The following WDR48 variants were observed in gnomAD, a reference collection of about 807,000 sequenced individuals.
WDR48 encodes the protein WD repeat-containing protein 48.
WDR48 carries 22 observed loss-of-function variants against 94.0 expected under a neutral mutation model. That is an observed-to-expected ratio of 0.23 (90% CI 0.17 to 0.33). WDR48 has a LOEUF of 0.33. Ranked by LOEUF, WDR48 falls within the 10% of genes least tolerant of loss-of-function variation. The probability of loss-of-function intolerance (pLI) is 1.00; values close to 1 mark genes in which losing one functional copy is unlikely to be tolerated. For synonymous variants in WDR48, 278 were observed against 280.5 expected, an observed-to-expected ratio of 0.99 and a Z score of 0.09; for missense variants, 541 against 813.8, an observed-to-expected ratio of 0.66 and a Z score of 4.08.
chr3:39,075,077 A>T, intron 8 of WDR48, 127 bp downstream of exon 8: 1 of 887,690 alleles, frequency 1.1e-6, no homozygotes, highest in Non-Finnish European at 1.7e-6. Flanking sequence ...TGTAAAAAAG[A>T]TATTCCATCA....
At chr3:39,094,117 TAA>T in intron 18 of WDR48, 51 bp downstream of exon 18, 2 of 1,569,680 alleles carry the variant, frequency 1.3e-6, no homozygotes, top group Non-Finnish European at 1.7e-6. Flanking sequence ...CTGGTGCTCA[TAA>T]AGAGTTACAT....
At chr3:39,071,050 T>A (rs1293262761) in intron 7 of WDR48, among the ~76,000 whole-genome samples, 1 of 152,140 alleles carries the variant, frequency 6.6e-6, no homozygotes, top group Non-Finnish European at 1.5e-5. Context: ...CCATGGTGTA[T>A]ATGTGCCACA....
intron 18 of WDR48, 190 bp downstream of exon 18, chr3:39,094,256 A>C: frequency 6.9e-7 from 1 of 1,440,046 alleles, no homozygotes; most frequent in Non-Finnish European, 9.1e-7. Context: ...TACATAGACA[A>C]ATGTGGATGT....
intron 1 of WDR48, among the ~76,000 whole-genome samples, chr3:39,061,450 T>A (rs1463871961): frequency 6.6e-6 from 1 of 152,228 alleles, no homozygotes; most frequent in Non-Finnish European, 1.5e-5. Context: ...TATGGCTGCA[T>A]AGTATTCCAT....
chr3:39,073,827 G>C (rs1262381062), intron 7 of WDR48, among the ~76,000 whole-genome samples: 1 of 152,208 alleles, frequency 6.6e-6, no homozygotes, highest in Non-Finnish European at 1.5e-5. Context: ...GTAAGCCTGA[G>C]ACTAGATTTT....
At chr3:39,083,856 T>C (rs910589109) in intron 11 of WDR48, among the ~76,000 whole-genome samples, 25 of 152,166 alleles carry the variant, frequency 1.6e-4, no homozygotes, top group African/African-American at 5.3e-4. Context: ...TTTGAGAAGA[T>C]GGCCGACAAC....
intron 11 of WDR48, among the ~76,000 whole-genome samples, chr3:39,082,407 G>A (rs559069963): frequency 2.2e-4 from 33 of 151,756 alleles, no homozygotes; most frequent in Non-Finnish European, 3.4e-4. Flanking sequence ...TCAGCCTCCC[G>A]AGTAGCTGGG....
At chr3:39,089,143 A>G in intron 15 of WDR48, 88 bp from the exon 16 acceptor site, 1 of 1,218,360 alleles carries the variant, frequency 8.2e-7, no homozygotes, top group Admixed American at 1.9e-5. Flanking sequence ...CATGAAAACC[A>G]TGAGGGTTCC....
intron 14 of WDR48, 73 bp downstream of exon 14, chr3:39,085,683 C>T: frequency 7.9e-7 from 1 of 1,262,802 alleles, no homozygotes; most frequent in Non-Finnish European, 1.1e-6. Context: ...CTAAAAGGTA[C>T]TTACTTAAAC....
At chr3:39,078,105 A>G (rs772317189) in intron 9 of WDR48, 32 bp from the exon 10 acceptor site, 2 of 1,524,484 alleles carry the variant, frequency 1.3e-6, no homozygotes, top group Non-Finnish European at 1.8e-6. Flanking sequence ...GTAGAGCATA[A>G]CATGATCAAA....
At position 39,074,723 on chromosome 3, in the gene WDR48, C is replaced by T; in HGVS notation, c.673-3C>T. 1 of 1,613,226 alleles carries T rather than the reference C, an allele frequency of 6.2e-7. No homozygotes were observed. On this transcript the variant is annotated splice_region_variant and splice_polypyrimidine_tract_variant and intron_variant, in intron 7 of 18. Transcript: ENST00000302313. ...TTCTAACTTTGCCTTTCTTTGTTTGCAGTGCCTGTCAGGCAGTTCTGATGG... is the reference window on the plus strand; with the variant it reads ...TTCTAACTTTGCCTTTCTTTGTTTGTAGTGCCTGTCAGGCAGTTCTGATGG...
intron 18 of WDR48, 44 bp from the exon 19 acceptor site, chr3:39,094,604 T>A (rs1559631711): frequency 6.2e-7 from 1 of 1,611,988 alleles, no homozygotes; most frequent in Non-Finnish European, 8.5e-7. Context: ...AGGTTTTAGA[T>A]ATTAGAGACT....
At chr3:39,090,393 C>G (rs1168568601) in intron 16 of WDR48, 2 of 152,126 alleles carry the variant, frequency 1.3e-5, no homozygotes, top group African/African-American at 4.8e-5. Flanking sequence ...ATTAAATTTT[C>G]ACTTTGTTCC....
intron 7 of WDR48, among the ~76,000 whole-genome samples, chr3:39,073,291 T>TG (rs951171943): frequency 5.3e-5 from 8 of 152,246 alleles, no homozygotes; most frequent in African/African-American, 1.9e-4. Context: ...GTTAGTTTCT[T>TG]GGTTCCCTTG....
intron 18 of WDR48, chr3:39,094,378 CTG>C: frequency 6.8e-7 from 1 of 1,466,902 alleles, no homozygotes; most frequent in Non-Finnish European, 9.0e-7. Context: ...AATGGCAGAA[CTG>C]TTTTTTAAAT....
At chr3:39,087,265 G>A (rs2034858243) in intron 14 of WDR48, among the ~76,000 whole-genome samples, 1 of 152,184 alleles carries the variant, frequency 6.6e-6, no homozygotes, top group Admixed American at 6.5e-5. Context: ...ATGGAGCTAG[G>A]CGTGATGGCT....
intron 2 of WDR48, among the ~76,000 whole-genome samples, chr3:39,064,296 T>TG (rs1442727849): frequency 1.3e-5 from 2 of 149,480 alleles, no homozygotes; most frequent in East Asian, 3.9e-4. Context: ...TTTTTTGAGA[T>TG]GGAGTCTCGC....
chr3:39,071,031 C>T (rs1575409854), intron 7 of WDR48, among the ~76,000 whole-genome samples: 2 of 152,124 alleles, frequency 1.3e-5, no homozygotes, highest in Admixed American at 1.3e-4. Flanking sequence ...TTTATGGCTG[C>T]ATCGTATTCC....
chr3:39,079,805 G>C lies in WDR48; in HGVS notation c.1170G>C (p.Leu390Phe). 6.5e-7 allele frequency: 1 copy of C among 1,529,656 alleles called. No homozygotes were observed. Among genetic ancestry groups the C allele is most frequent in the Non-Finnish European group, 8.7e-7 (1 of 1,146,254 alleles). The allele number at this position is 1,529,656 out of a possible 1,614,324, so 94.8% of individuals were successfully genotyped here. ...TNNNVAYWDV[L>F]KACKVEDLGK... ...ATAATGTGGCATATTGGGATGTATT[G>C]AAGGTGAGTATTTTTTTTGGGCTAA... Residue 390 changes from leucine (L) to phenylalanine (F), a missense_variant, in exon 11 of 19, where the codon TTG becomes TTC. This residue lies in a region of WDR48 where 238 missense variants were observed against 285.3 expected (regional missense o/e 0.83). Coordinates refer to ENST00000302313, the MANE Select transcript of WDR48 (RefSeq NM_020839.4).
Sources: gnomAD v4.1 joint callset for allele counts (sites outside exome capture counted in the v4.1 genomes callset) on GRCh38, gnomAD v4.1.1 for gene constraint, gnomAD v4.1.1 regional missense constraint, MANE v1.5 for transcripts, NCBI Gene and HGNC (gene_info 2026-07-23, HGNC 2026-07-21) for gene names.